Variants in F2R observed in about 807,000 individuals in gnomAD.
F2R encodes proteinase-activated receptor 1.
A neutral mutation model predicts 18.3 loss-of-function variants in F2R; 12 were observed. The observed-to-expected ratio is 0.66, with a 90% confidence interval of 0.42 to 1.06. The LOEUF (loss-of-function observed/expected upper bound fraction) is 1.06, where lower values mean the gene tolerates loss of function less well. Among genes scored for constraint, F2R ranks in the 50% least tolerant of loss-of-function variants. The pLI, the probability that F2R is intolerant of heterozygous loss-of-function variation, is 0.00. For missense variants in F2R, 438 were observed against 530.8 expected, an observed-to-expected ratio of 0.83 and a Z score of 1.72; for synonymous variants, 210 against 219.9, an observed-to-expected ratio of 0.95 and a Z score of 0.40.
chr5:76,721,846 C>T (rs993369998), intron 1 of F2R, among the ~76,000 whole-genome samples: 3 of 150,180 alleles, frequency 2.0e-5, no homozygotes, highest in African/African-American at 7.6e-5. Flanking sequence ...AAACAGTGCT[C>T]ACCTTTACTG....
At chr5:76,723,583 A>T (rs1228808623) in intron 1 of F2R, among the ~76,000 whole-genome samples, 1 of 152,224 alleles carries the variant, frequency 6.6e-6, no homozygotes, top group Non-Finnish European at 1.5e-5. Flanking sequence ...AGGTTTTTTC[A>T]TACACCAATG....
At chr5:76,722,391 G>A (rs919823006) in intron 1 of F2R, among the ~76,000 whole-genome samples, 4 of 152,186 alleles carry the variant, frequency 2.6e-5, no homozygotes, top group African/African-American at 9.7e-5. Flanking sequence ...TAGTTCCCGG[G>A]CAAGGCCTGC....
rs17849599 is a variant in F2R at position 76,733,229 on chromosome 5, C to G, written c.1004C>G (p.Ala335Gly). Residue 335 changes from alanine (A) to glycine (G), a missense_variant, in exon 2 of 2, where the codon GCG becomes GGG. Ala to Gly is a moderately conservative substitution (Grantham distance 60). Coordinates refer to ENST00000319211, the MANE Select transcript of F2R (RefSeq NM_001992.5). ...CFGPTNVLLIAHYSFLSHTST... is the reference protein window; with the variant it reads ...CFGPTNVLLIGHYSFLSHTST... ...GGACCCACAAACGTCCTCCTGATTG[C>G]GCATTACTCATTCCTTTCTCACACT... 1.9e-6 allele frequency: 3 copies of G among 1,614,172 alleles called. No individual in the cohort carries two copies. The highest frequency in any genetic ancestry group is 2.5e-6 in the Non-Finnish European group (3 of 1,180,038).
intron 1 of F2R, among the ~76,000 whole-genome samples, chr5:76,721,183 A>G (rs1748447730): frequency 6.6e-6 from 1 of 152,208 alleles, no homozygotes; most frequent in Non-Finnish European, 1.5e-5. Flanking sequence ...TAGAAGAGTT[A>G]TTAGGACTCA....
intron 1 of F2R, among the ~76,000 whole-genome samples, chr5:76,730,778 C>G (rs1464423603): frequency 6.6e-6 from 1 of 152,196 alleles, no homozygotes; most frequent in Non-Finnish European, 1.5e-5. Flanking sequence ...AGACTTCTGA[C>G]CACACTATAC....
intron 1 of F2R, among the ~76,000 whole-genome samples, chr5:76,726,007 A>T (rs1003679752): frequency 2.6e-5 from 4 of 152,196 alleles, no homozygotes. Flanking sequence ...GTAAGTATGC[A>T]TGTTCATGTC....
intron 1 of F2R, among the ~76,000 whole-genome samples, chr5:76,730,726 G>T (rs746593250): frequency 1.3e-5 from 2 of 152,088 alleles, no homozygotes; most frequent in Admixed American, 6.5e-5. Flanking sequence ...GTTTCACAAC[G>T]CTGCCTTCCA....
intron 1 of F2R, among the ~76,000 whole-genome samples, chr5:76,727,592 A>G (rs2227830): frequency 3.9e-5 from 6 of 152,254 alleles, no homozygotes; most frequent in Admixed American, 6.5e-5. Context: ...CCTCAACCCT[A>G]CACTACCAGG....
intron 1 of F2R, among the ~76,000 whole-genome samples, chr5:76,723,708 G>T (rs151262742): frequency 2.5e-4 from 38 of 152,048 alleles, no homozygotes; most frequent in African/African-American, 8.4e-4. Flanking sequence ...TAGGACAAAA[G>T]AAAAAAGCAA....
chr5:76,732,822 C>G lies in F2R; in HGVS notation c.597C>G (p.Asp199Glu), dbSNP rs1306184965. The part of the protein sequence containing the change: ...SILLMTVISI[D>E]RFLAVVYPMQ... ...TGCTCATGACAGTCATAAGCATTGA[C>G]CGGTTTCTGGCTGTGGTGTATCCCA... The change falls in exon 2 of 2, where the codon GAC becomes GAG. Residue 199 changes from aspartate (D) to glutamate (E), a missense_variant. Coordinates refer to ENST00000319211, the MANE Select transcript of F2R (RefSeq NM_001992.5). 6.2e-7 allele frequency: 1 copy of G among 1,614,194 alleles called. No homozygotes were observed. The highest frequency in any genetic ancestry group is 2.2e-5 in the East Asian group (1 of 44,882).
At chr5:76,732,237 T>A in intron 1 of F2R, 77 bp from the exon 2 acceptor site, 1 of 1,131,822 alleles carries the variant, frequency 8.8e-7, no homozygotes, top group Non-Finnish European at 1.2e-6. Flanking sequence ...AAGTAAAATA[T>A]GCTCTCTGCT....
In F2R at chr5:76,735,733, CAT is replaced by C. The variant is rs1361748131; in HGVS notation, c.*2232_*2233del. ...CTGTTTTTATGTTCATTCTTAAAAA[CAT>C]AACCTGTATTAATAAATGTGAACAT... On this transcript the variant is annotated 3_prime_UTR_variant, in exon 2 of 2. Coordinates refer to ENST00000319211, the MANE Select transcript of F2R (RefSeq NM_001992.5). The C allele has an allele frequency of 1.3e-5, 2 of 152,130 alleles. No homozygotes were observed. The highest frequency in any genetic ancestry group is 2.9e-5 in the Non-Finnish European group (2 of 68,018). 9.4% of individuals were successfully genotyped at this position (152,130 alleles called of 1,614,324 possible). A position where few individuals can be genotyped will look rare whatever the true frequency, so the allele number is the denominator to read the frequency against.
intron 1 of F2R, among the ~76,000 whole-genome samples, chr5:76,718,214 G>A (rs952259167): frequency 2.6e-5 from 4 of 152,116 alleles, no homozygotes; most frequent in South Asian, 2.1e-4. Flanking sequence ...AAGTGGTGGC[G>A]GGTGGGGCAG....
chr5:76,730,441 T>C (rs1353624566), intron 1 of F2R, among the ~76,000 whole-genome samples: 2 of 152,210 alleles, frequency 1.3e-5, no homozygotes, highest in Admixed American at 1.3e-4. Context: ...TTTTATGTTA[T>C]ATAGGCACTG....
chr5:76,731,921 A>G (rs1748675822), intron 1 of F2R, among the ~76,000 whole-genome samples: 1 of 152,178 alleles, frequency 6.6e-6, no homozygotes, highest in African/African-American at 2.4e-5. Context: ...TGTGCACATG[A>G]AGGTATGCGG....
At chr5:76,729,070 T>C (rs2150582737) in intron 1 of F2R, among the ~76,000 whole-genome samples, 1 of 152,352 alleles carries the variant, frequency 6.6e-6, no homozygotes, top group South Asian at 2.1e-4. Flanking sequence ...TTTTTAGTTT[T>C]AGAGGAACCT....
Position 76,732,436 on chromosome 5 carries a change from T to G in F2R, c.211T>G (p.Leu71Val). Residue 71 changes from leucine (L) to valine (V), a missense_variant, in exon 2 of 2, where the codon TTA becomes GTA. By Grantham distance (32) the Leu-to-Val change is conservative. Coordinates refer to ENST00000319211, the MANE Select transcript of F2R (RefSeq NM_001992.5). ...TGAAAGTGGGTTAACTGAATACAGA[T>G]TAGTCTCCATCAATAAAAGCAGTCC... is the stretch of plus-strand genomic sequence containing the variant. ...KNESGLTEYR[L>V]VSINKSSPLQ... The G allele has an allele frequency of 6.2e-7, 1 of 1,614,092 alleles. No individual in the cohort carries two copies. Among genetic ancestry groups the G allele is most frequent in the Non-Finnish European group, 8.5e-7 (1 of 1,180,012 alleles).
chr5:76,728,914 C>T (rs1748620391), intron 1 of F2R, among the ~76,000 whole-genome samples: 1 of 152,188 alleles, frequency 6.6e-6, no homozygotes, highest in Middle Eastern at 3.2e-3. Context: ...TGGTCTCAAA[C>T]TCCTGACCTC....
chr5:76,726,462 T>G (rs1335464359), intron 1 of F2R, among the ~76,000 whole-genome samples: 2 of 147,148 alleles, frequency 1.4e-5, no homozygotes, highest in Non-Finnish European at 1.5e-5. Context: ...ACCCGGGAGG[T>G]GGAGTTAGCA....
Sources: allele counts gnomAD v4.1 joint callset (sites outside exome capture counted in the v4.1 genomes callset), GRCh38; gene constraint gnomAD v4.1.1; transcripts MANE v1.5; gene names NCBI Gene and HGNC (gene_info 2026-07-23, HGNC 2026-07-21).